The following ERG variants were observed in gnomAD, a reference collection of about 807,000 sequenced individuals.
The protein encoded by ERG is transcriptional regulator ERG.
Under a neutral mutation model 55.3 loss-of-function variants are expected in ERG, and 9 were observed. That is an observed-to-expected ratio of 0.16 (90% CI 0.10 to 0.28). The LOEUF (loss-of-function observed/expected upper bound fraction) is 0.28, where lower values mean the gene tolerates loss of function less well. Among genes scored for constraint, ERG ranks in the 10% least tolerant of loss-of-function variants. The pLI, the probability that ERG is intolerant of heterozygous loss-of-function variation, is 1.00. For synonymous variants in ERG, 223 were observed against 237.3 expected, an observed-to-expected ratio of 0.94 and a Z score of 0.55; for missense variants, 434 against 631.6, an observed-to-expected ratio of 0.69 and a Z score of 3.35.
rs542646564 is a variant in ERG at position 38,404,395 on chromosome 21, G to A, written c.389-686C>T. On this transcript the variant is annotated intron_variant, in intron 3 of 9. Coordinates refer to ENST00000288319, the MANE Select transcript of ERG (RefSeq NM_182918.4). ...TTTGCATTCCACAGCTGGCCATGGC[G>A]AGCACAAACACCCCACAGGATGCAG... 2.6e-5 allele frequency among the ~76,000 whole-genome samples: 4 copies of A among 152,092 alleles called. No individual in the cohort carries two copies. In the South Asian group the frequency reaches 8.3e-4, roughly 31 times the overall value.
In ERG at chr21:38,575,575, C is replaced by T. The variant is rs113576929; in HGVS notation, c.-41+87G>A. ...GCTCCTGGGCTGTGTTGACTGACCC[C>T]TAATTAACTGATATGTGGGCTGCTA... On this transcript the variant is annotated intron_variant, in intron 2 of 8. Coordinates refer to the ERG transcript ENST00000398897. The T allele has an allele frequency of 8.3e-6, 8 of 960,186 alleles. No individual in the cohort carries two copies. The African/African-American group carries it at 9.6e-5, about 12-fold the overall frequency. 59.5% of individuals were successfully genotyped at this position (960,186 alleles called of 1,614,324 possible).
intron 1 of ERG, among the ~76,000 whole-genome samples, chr21:38,618,199 C>G (rs988147949): frequency 2.0e-5 from 3 of 152,180 alleles, no homozygotes; most frequent in Non-Finnish European, 4.4e-5. Context: ...AGTTGACAGC[C>G]AAGCAAGGAG....
intron 2 of ERG, among the ~76,000 whole-genome samples, chr21:38,553,302 T>C (rs1056701026): frequency 3.5e-4 from 54 of 152,182 alleles, no homozygotes; most frequent in African/African-American, 1.3e-3. Flanking sequence ...TCTATCATAT[T>C]ACTAATTACA....
the ERG span, among the ~76,000 whole-genome samples, chr21:38,374,787 TTAAA>T: frequency 6.6e-6 from 1 of 152,216 alleles, no homozygotes; most frequent in African/African-American, 2.4e-5. Flanking sequence ...TTTTGGTTCA[TTAAA>T]TACAAAAAAT....
intron 1 of ERG, among the ~76,000 whole-genome samples, chr21:38,639,708 C>T (rs948537867): frequency 7.2e-5 from 11 of 152,174 alleles, no homozygotes; most frequent in African/African-American, 2.7e-4. Context: ...GATGGCATCC[C>T]AAGCTTCTTG....
chr21:38,372,268 C>T, the ERG span, among the ~76,000 whole-genome samples: 1 of 151,834 alleles, frequency 6.6e-6, no homozygotes, highest in Non-Finnish European at 1.5e-5. Flanking sequence ...TTTTATTAAT[C>T]TTTTAAAAAA....
chr21:38,639,928 G>T (rs2060413439), intron 1 of ERG, among the ~76,000 whole-genome samples: 1 of 152,138 alleles, frequency 6.6e-6, no homozygotes, highest in Non-Finnish European at 1.5e-5. Context: ...GAGATGCCAG[G>T]ACAGCCACGC....
At chr21:38,394,075 A>T (rs1988092968) in intron 6 of ERG, among the ~76,000 whole-genome samples, 1 of 152,324 alleles carries the variant, frequency 6.6e-6, no homozygotes, top group Admixed American at 6.5e-5. Context: ...GGACAGCCAG[A>T]GTTTCAATTT....
intron 2 of ERG, among the ~76,000 whole-genome samples, chr21:38,528,473 A>G (rs1466260449): frequency 2.7e-5 from 1 of 37,320 alleles, no homozygotes; most frequent in Non-Finnish European, 4.7e-5. Context: ...TTTGAGACGG[A>G]GTCTCGCTCT....
intron 2 of ERG, among the ~76,000 whole-genome samples, chr21:38,574,343 A>C (rs895254358): frequency 6.6e-6 from 1 of 152,146 alleles, no homozygotes. Flanking sequence ...GATAAACACA[A>C]CCATCATAGC....
chr21:38,417,555 G>A (rs553804221), intron 3 of ERG, among the ~76,000 whole-genome samples: 4 of 152,278 alleles, frequency 2.6e-5, no homozygotes, highest in Non-Finnish European at 4.4e-5. Context: ...TTGGGTGACC[G>A]AGGTGGGTGG....
intron 9 of ERG, among the ~76,000 whole-genome samples, chr21:38,384,903 C>T (rs1047800804): frequency 1.3e-5 from 2 of 151,386 alleles, no homozygotes; most frequent in Non-Finnish European, 2.9e-5. Context: ...GCAAGCGCAT[C>T]GTAACGGAAA....
chr21:38,432,776 T>C (rs991582556), intron 2 of ERG, among the ~76,000 whole-genome samples: 6 of 152,120 alleles, frequency 3.9e-5, no homozygotes, highest in South Asian at 2.1e-4. Context: ...AGTGGAAGAA[T>C]TGGGATTTGA....
At chr21:38,368,495 T>G in the ERG span, among the ~76,000 whole-genome samples, 1 of 152,324 alleles carries the variant, frequency 6.6e-6, no homozygotes, top group Non-Finnish European at 1.5e-5. Flanking sequence ...TGAAAAAATT[T>G]CTTTTTTCTA....
intron 1 of ERG, among the ~76,000 whole-genome samples, chr21:38,639,991 C>T (rs928486715): frequency 2.0e-5 from 3 of 152,052 alleles, no homozygotes; most frequent in East Asian, 1.9e-4. Flanking sequence ...AGCACCCTCC[C>T]CCACAACAAA....
chr21:38,538,121 C>A (rs2059725165), intron 2 of ERG, among the ~76,000 whole-genome samples: 1 of 152,046 alleles, frequency 6.6e-6, no homozygotes, highest in South Asian at 2.1e-4. Flanking sequence ...CTAGGGCAGT[C>A]AAATTCACAG....
intron 2 of ERG, among the ~76,000 whole-genome samples, chr21:38,519,588 G>A (rs997899583): frequency 1.3e-5 from 2 of 152,224 alleles, no homozygotes; most frequent in African/African-American, 4.8e-5. Flanking sequence ...GGACAAAGGA[G>A]CCCATTTGAT....
intron 1 of ERG, among the ~76,000 whole-genome samples, chr21:38,623,190 ACAC>A (rs1471878547): frequency 4.0e-5 from 6 of 151,432 alleles, no homozygotes; most frequent in East Asian, 1.9e-4. Flanking sequence ...CACTAAATAC[ACAC>A]CACATGCTCA....
chr21:38,472,259 A>C (rs917452722), intron 1 of ERG, among the ~76,000 whole-genome samples: 1 of 152,210 alleles, frequency 6.6e-6, no homozygotes, highest in African/African-American at 2.4e-5. Flanking sequence ...ATTGTATGCC[A>C]CCTTAAGTCA....
Sources: gnomAD v4.1 joint callset for allele counts (sites outside exome capture counted in the v4.1 genomes callset) on GRCh38, gnomAD v4.1.1 for gene constraint, MANE v1.5 for transcripts, NCBI Gene and HGNC (gene_info 2026-07-23, HGNC 2026-07-21) for gene names.